Variants in ARCN1 observed in about 807,000 individuals in gnomAD.
The protein encoded by ARCN1 is archain 1 coat protein complex I subunit delta, also known as coatomer subunit delta.
A neutral mutation model predicts 60.4 loss-of-function variants in ARCN1; 5 were observed. The observed-to-expected ratio is 0.08, with a 90% CI of 0.04 to 0.17. The LOEUF (loss-of-function observed/expected upper bound fraction) is 0.17. ARCN1 is among the 10% of genes least tolerant of loss of function. The pLI is 1.00. For synonymous variants in ARCN1, 224 were observed against 220.0 expected (o/e 1.02, Z -0.16); for missense variants, 464 against 626.5 (o/e 0.74, Z 2.77).
chr11:118,573,734 G>A, intron 1 of ARCN1: 1 of 688,466 alleles, frequency 1.5e-6, no homozygotes, highest in Non-Finnish European at 2.7e-6. Context: ...GATAATGGGG[G>A]GAATTCATGC....
chr11:118,599,244 C>T (rs1156304855), intron 9 of ARCN1, among the ~76,000 whole-genome samples: 2 of 150,052 alleles, frequency 1.3e-5, no homozygotes, highest in Admixed American at 1.3e-4. Context: ...CGGCATGCGC[C>T]ACCACGCCTG....
At chr11:118,593,561 C>A in intron 7 of ARCN1, 29 bp from the exon 8 acceptor site, 1 of 1,502,920 alleles carries the variant, frequency 6.7e-7, no homozygotes, top group South Asian at 1.1e-5. Flanking sequence ...TTCTAATATT[C>A]TAGTATGACT....
intron 1 of ARCN1, among the ~76,000 whole-genome samples, chr11:118,577,232 GTTTCTTTC>G (rs746295602): frequency 1.3e-5 from 2 of 151,618 alleles, no homozygotes; most frequent in Admixed American, 1.3e-4. Context: ...TCTAAATTCT[GTTTCTTTC>G]TTTCTTTCTT....
chr11:118,586,066 A>C (rs1938771499), intron 5 of ARCN1, among the ~76,000 whole-genome samples: 1 of 152,142 alleles, frequency 6.6e-6, no homozygotes, highest in East Asian at 1.9e-4. Context: ...TGCATAAAAG[A>C]GGAGTATTTA....
At chr11:118,585,494 T>C (rs1555075356) in intron 5 of ARCN1, among the ~76,000 whole-genome samples, 1 of 152,202 alleles carries the variant, frequency 6.6e-6, no homozygotes, top group Non-Finnish European at 1.5e-5. Flanking sequence ...AATCCAAAAC[T>C]TGTAGATATC....
chr11:118,592,310 A>G (rs1938929575), intron 6 of ARCN1, among the ~76,000 whole-genome samples: 1 of 152,170 alleles, frequency 6.6e-6, no homozygotes, highest in South Asian at 2.1e-4. Context: ...GCTACTTTAT[A>G]TAAGGCCAGA....
At chr11:118,591,624 C>T (rs1189626328) in intron 6 of ARCN1, among the ~76,000 whole-genome samples, 1 of 151,932 alleles carries the variant, frequency 6.6e-6, no homozygotes, top group East Asian at 1.9e-4. Flanking sequence ...AACTCTTGAC[C>T]TCATGATTCG....
intron 1 of ARCN1, among the ~76,000 whole-genome samples, chr11:118,576,426 T>TAAA (rs10671866): frequency 0.066 from 7,169 of 108,156 alleles, 214 homozygotes; most frequent in African/African-American, 0.09. Flanking sequence ...CCAAAAATGT[T>TAAA]AAAAAAAAAA....
intron 1 of ARCN1, among the ~76,000 whole-genome samples, chr11:118,577,109 C>T (rs1938534242): frequency 6.6e-6 from 1 of 152,134 alleles, no homozygotes; most frequent in South Asian, 2.1e-4. Flanking sequence ...ATCACCTGAG[C>T]CCAGAAGGTT....
intron 1 of ARCN1, 35 bp downstream of exon 1, chr11:118,572,585 C>A: frequency 6.3e-7 from 1 of 1,597,800 alleles, no homozygotes; most frequent in South Asian, 1.1e-5. Context: ...CTCCTGGGGT[C>A]CGAGCCTCAC....
At position 118,590,324 on chromosome 11, in the gene ARCN1, T is replaced by C. The variant is rs1385801686; in HGVS notation, c.819-17T>C. The C allele has an allele frequency of 1.4e-5, 22 of 1,604,782 alleles. No individual in the cohort carries two copies. Among genetic ancestry groups the C allele is most frequent in the Non-Finnish European group, 1.6e-5 (19 of 1,173,358 alleles). On this transcript the variant is annotated splice_polypyrimidine_tract_variant and intron_variant, in intron 5 of 9. Transcript: ENST00000264028. ...GTTTCTACCTTTCTGAACAAATGTA[T>C]TACTTTCTCTTTATAGTGTACATAT...
At chr11:118,591,965 G>C (rs1938922593) in intron 6 of ARCN1, among the ~76,000 whole-genome samples, 1 of 151,732 alleles carries the variant, frequency 6.6e-6, no homozygotes, top group African/African-American at 2.4e-5. Flanking sequence ...TTCCTGCCCA[G>C]GTTGGAGTGC....
chr11:118,579,383 G>C (rs1938597781), intron 1 of ARCN1, among the ~76,000 whole-genome samples: 3 of 151,936 alleles, frequency 2.0e-5, no homozygotes, highest in African/African-American at 7.3e-5. Flanking sequence ...TTAAAATGCA[G>C]CCAAAATAGG....
chr11:118,574,560 T>C (rs17122269), intron 1 of ARCN1, among the ~76,000 whole-genome samples: 17,692 of 152,032 alleles, frequency 0.12, 1,810 homozygotes, highest in East Asian at 0.52. Flanking sequence ...AAAAAAAATA[T>C]ACATTTCAAA....
chr11:118,591,178 A>T (rs782127672), intron 6 of ARCN1, among the ~76,000 whole-genome samples: 1 of 152,250 alleles, frequency 6.6e-6, no homozygotes, highest in Non-Finnish European at 1.5e-5. Flanking sequence ...ATAGATATAT[A>T]TAAGCCCTGC....
At chr11:118,585,538 TTTTA>T (rs1354421608) in intron 5 of ARCN1, among the ~76,000 whole-genome samples, 3 of 152,138 alleles carry the variant, frequency 2.0e-5, no homozygotes, top group Non-Finnish European at 2.9e-5. Flanking sequence ...TGCATTTTTA[TTTTA>T]TTTATTTATT....
chr11:118,598,751 T>C (rs578210609), intron 9 of ARCN1, among the ~76,000 whole-genome samples: 2 of 151,978 alleles, frequency 1.3e-5, no homozygotes, highest in Non-Finnish European at 2.9e-5. Context: ...CGCCTCAGCC[T>C]CCCAAAGTGA....
chr11:118,586,965 G>A (rs1938793556), intron 5 of ARCN1, among the ~76,000 whole-genome samples: 1 of 151,836 alleles, frequency 6.6e-6, no homozygotes, highest in Non-Finnish European at 1.5e-5. Flanking sequence ...AAACTTTTGT[G>A]AAGGTAAAAT....
In ARCN1 at chr11:118,582,643, G is replaced by A. The variant is rs187663899; in HGVS notation, c.268-536G>A. On this transcript the variant is annotated intron_variant, in intron 2 of 9. Coordinates refer to ENST00000264028, the MANE Select transcript of ARCN1 (RefSeq NM_001655.5). ...CAGGAGGCTGAGGCATGAGAATTGC[G>A]TGAACCCAGGAGGTGGGGGTTGCAG... Among the ~76,000 whole-genome samples the A allele has an allele frequency of 6.2e-4, 94 of 151,194 alleles. 1 individual carries two copies. In the East Asian group the frequency reaches 0.014, roughly 23 times the overall value.
Sources: allele counts gnomAD v4.1 joint callset (sites outside exome capture counted in the v4.1 genomes callset), GRCh38; gene constraint gnomAD v4.1.1; transcripts MANE v1.5; gene names NCBI Gene and HGNC (gene_info 2026-07-23, HGNC 2026-07-21).